PAM: variants seen among roughly 807,000 people sequenced by gnomAD.
PAM encodes the protein peptidyl-glycine alpha-amidating monooxygenase.
A neutral mutation model predicts 122.1 loss-of-function variants in PAM; 72 were observed. That is an observed-to-expected ratio of 0.59 (90% CI 0.49 to 0.72). The LOEUF (loss-of-function observed/expected upper bound fraction) is 0.72, where lower values mean the gene tolerates loss of function less well. Among genes scored for constraint, PAM ranks in the 30% least tolerant of loss-of-function variants. PAM has a pLI of 0.00. For synonymous variants in PAM, 389 were observed against 404.4 expected (o/e 0.96, Z 0.46); for missense variants, 1,106 against 1,183.7 (o/e 0.93, Z 0.96).
At chr5:102,887,133 T>C (rs1182867327) in intron 3 of PAM, among the ~76,000 whole-genome samples, 1 of 152,016 alleles carries the variant, frequency 6.6e-6, no homozygotes, top group African/African-American at 2.4e-5. Flanking sequence ...CCAGAACTCA[T>C]GTTGAAAGTT....
intron 4 of PAM, among the ~76,000 whole-genome samples, chr5:102,902,974 G>T (rs940685096): frequency 6.6e-6 from 1 of 151,404 alleles, no homozygotes; most frequent in Non-Finnish European, 1.5e-5. Flanking sequence ...TACTATAAAT[G>T]TGTTTACGTT....
chr5:102,828,888 C>T (rs910473255), intron 1 of PAM, among the ~76,000 whole-genome samples: 4 of 148,816 alleles, frequency 2.7e-5, no homozygotes, highest in South Asian at 2.1e-4. Flanking sequence ...TAATCAATTG[C>T]ATTTGCATAT....
At chr5:102,884,275 A>G (rs191861369) in intron 3 of PAM, among the ~76,000 whole-genome samples, 1 of 151,978 alleles carries the variant, frequency 6.6e-6, no homozygotes, top group East Asian at 1.9e-4. Flanking sequence ...TATCACCAAC[A>G]AAAAGGATAC....
At chr5:103,011,400 A>T (rs866537635) in intron 21 of PAM, among the ~76,000 whole-genome samples, 84 of 124,908 alleles carry the variant, frequency 6.7e-4, no homozygotes, top group Admixed American at 1.4e-3. Flanking sequence ...ACACACACAC[A>T]CTCTCTCTCT....
At chr5:102,991,978 A>G (rs886860847) in intron 16 of PAM, among the ~76,000 whole-genome samples, 3 of 152,150 alleles carry the variant, frequency 2.0e-5, no homozygotes, top group South Asian at 2.1e-4. Context: ...TAAATTGGAC[A>G]AAGGCCAATT....
At chr5:102,833,183 T>A (rs1180973494) in intron 1 of PAM, among the ~76,000 whole-genome samples, 1 of 152,150 alleles carries the variant, frequency 6.6e-6, no homozygotes, top group Non-Finnish European at 1.5e-5. Context: ...TTTGTGCACA[T>A]CATATCTTTG....
chr5:102,886,886 T>C (rs1159085087), intron 3 of PAM, among the ~76,000 whole-genome samples: 1 of 151,984 alleles, frequency 6.6e-6, no homozygotes, highest in Non-Finnish European at 1.5e-5. Context: ...TCAGTGAGTA[T>C]CTGTTGATTA....
chr5:102,829,434 C>T (rs1319718480), intron 1 of PAM, among the ~76,000 whole-genome samples: 2 of 148,734 alleles, frequency 1.3e-5, no homozygotes, highest in Non-Finnish European at 3.0e-5. Flanking sequence ...TGCAGTGTCG[C>T]GATCTCGGTT....
chr5:102,907,932 C>T (rs957965797), intron 4 of PAM, among the ~76,000 whole-genome samples: 187 of 151,848 alleles, frequency 1.2e-3, no homozygotes, highest in African/African-American at 4.1e-3. Flanking sequence ...TGCCTGTTCA[C>T]TCTGATGGTA....
At chr5:102,925,622 A>G (rs557231110) in intron 6 of PAM, among the ~76,000 whole-genome samples, 2 of 151,920 alleles carry the variant, frequency 1.3e-5, no homozygotes, top group East Asian at 3.9e-4. Flanking sequence ...TTCCTCCCTT[A>G]CTCATTGCCA....
chr5:102,982,024 C>T (rs1770059495), intron 15 of PAM, among the ~76,000 whole-genome samples: 1 of 152,116 alleles, frequency 6.6e-6, no homozygotes, highest in Non-Finnish European at 1.5e-5. Flanking sequence ...CAGTTCCTCC[C>T]CACCCAGCAC....
At chr5:102,795,953 TA>T (rs927945308) in intron 1 of PAM, among the ~76,000 whole-genome samples, 2 of 152,208 alleles carry the variant, frequency 1.3e-5, no homozygotes, top group South Asian at 2.1e-4. Flanking sequence ...AACCATGAGT[TA>T]TTTTTTTTAG....
chr5:102,972,024 C>T (rs893332738), intron 14 of PAM, among the ~76,000 whole-genome samples: 2 of 152,156 alleles, frequency 1.3e-5, no homozygotes, highest in African/African-American at 2.4e-5. Flanking sequence ...GCTTTCCTAA[C>T]CCAATAACAA....
chr5:102,812,895 TTA>T (rs1768400529), intron 1 of PAM, among the ~76,000 whole-genome samples: 1 of 152,136 alleles, frequency 6.6e-6, no homozygotes, highest in Admixed American at 6.5e-5. Flanking sequence ...ATTTCAATGT[TTA>T]GTTTCTTTTA....
At chr5:102,819,198 C>T (rs964950481) in intron 1 of PAM, among the ~76,000 whole-genome samples, 1 of 152,126 alleles carries the variant, frequency 6.6e-6, no homozygotes, top group African/African-American at 2.4e-5. Flanking sequence ...TGTACTTGCA[C>T]ATTTTCTGTT....
intron 1 of PAM, among the ~76,000 whole-genome samples, chr5:102,849,218 T>G (rs901023812): frequency 1.5e-4 from 23 of 152,028 alleles, no homozygotes; most frequent in Non-Finnish European, 7.4e-5. Flanking sequence ...AAAGATATTC[T>G]CAACACGGAT....
intron 1 of PAM, among the ~76,000 whole-genome samples, chr5:102,819,169 G>T (rs1406427131): frequency 6.6e-6 from 1 of 152,144 alleles, no homozygotes; most frequent in African/African-American, 2.4e-5. Context: ...AAGTGGAAGT[G>T]CAAACCTTAC....
At chr5:102,904,525 T>C (rs1798954730) in intron 4 of PAM, among the ~76,000 whole-genome samples, 1 of 151,584 alleles carries the variant, frequency 6.6e-6, no homozygotes, top group Non-Finnish European at 1.5e-5. Context: ...ATCTAAGGAA[T>C]CATTGTTTTG....
intron 1 of PAM, among the ~76,000 whole-genome samples, chr5:102,834,903 C>T (rs544348989): frequency 6.6e-6 from 1 of 152,188 alleles, no homozygotes; most frequent in South Asian, 2.1e-4. Context: ...GAGGCAGTTA[C>T]AGTAACCTGG....
Sources: allele counts gnomAD v4.1 joint callset (sites outside exome capture counted in the v4.1 genomes callset), GRCh38; gene constraint gnomAD v4.1.1; transcripts MANE v1.5; gene names NCBI Gene and HGNC (gene_info 2026-07-23, HGNC 2026-07-21).